Variants in SLC22A2 observed in about 807,000 individuals in gnomAD.
SLC22A2 encodes the protein organic cation transporter 2.
In SLC22A2, 46 loss-of-function variants were observed where a neutral mutation model predicts 60.5. That is an observed-to-expected ratio of 0.76 (90% CI 0.60 to 0.97). The LOEUF is 0.97. SLC22A2 is among the 50% of genes least tolerant of loss of function. The pLI, the probability that SLC22A2 is intolerant of heterozygous loss-of-function variation, is 0.00. For synonymous variants in SLC22A2, 303 were observed against 267.0 expected (o/e 1.13, Z -1.31); for missense variants, 701 against 706.6 (o/e 0.99, Z 0.09).
In SLC22A2 at chr6:160,233,809, C is replaced by A. The variant is rs145790755; in HGVS notation, c.1501+7665G>T. On this transcript the variant is annotated intron_variant, in intron 9 of 10. Transcript: ENST00000366953. ...CTGCCCCTAATTCCACTCGAACCAG[C>A]CCTGAGAAACATCACTCATCATCTC... Among the ~76,000 whole-genome samples, 7 of 151,936 alleles carry A rather than the reference C, an allele frequency of 4.6e-5. No individual in the cohort carries two copies. The East Asian group carries it at 1.4e-3, about 29-fold the overall frequency.
At chr6:160,238,964 C>T (rs1782955752) in intron 9 of SLC22A2, among the ~76,000 whole-genome samples, 1 of 151,958 alleles carries the variant, frequency 6.6e-6, no homozygotes, top group African/African-American at 2.4e-5. Flanking sequence ...GGCTGCATTC[C>T]CAGGAGGTTA....
At chr6:160,235,372 G>C (rs1387179529) in intron 9 of SLC22A2, among the ~76,000 whole-genome samples, 1 of 150,422 alleles carries the variant, frequency 6.6e-6, no homozygotes, top group African/African-American at 2.4e-5. Context: ...TGGCCACCTA[G>C]AAGTTATGAA....
intron 2 of SLC22A2, 40 bp from the exon 3 acceptor site, chr6:160,250,742 T>C (rs1486720630): frequency 6.3e-6 from 10 of 1,599,936 alleles, no homozygotes; most frequent in African/African-American, 1.3e-5. Context: ...TGAATTAATT[T>C]TGATTTGTGA....
intron 9 of SLC22A2, among the ~76,000 whole-genome samples, chr6:160,239,640 G>A (rs901383177): frequency 6.6e-5 from 10 of 152,294 alleles, no homozygotes; most frequent in Middle Eastern, 6.8e-3. Flanking sequence ...GGAGGACAGA[G>A]GGTTTGATGG....
chr6:160,221,478 C>A (rs1364083875), intron 10 of SLC22A2, among the ~76,000 whole-genome samples: 1 of 152,190 alleles, frequency 6.6e-6, no homozygotes, highest in Non-Finnish European at 1.5e-5. Flanking sequence ...CCTTCAAGAA[C>A]TTTTCCTGTG....
At chr6:160,229,415 A>G (rs1044765461) in intron 9 of SLC22A2, among the ~76,000 whole-genome samples, 2 of 151,794 alleles carry the variant, frequency 1.3e-5, no homozygotes, top group African/African-American at 4.9e-5. Flanking sequence ...TGCCTGCCTG[A>G]TTATTTACCC....
At chr6:160,245,693 CAT>C in intron 5 of SLC22A2, 148 bp from the exon 6 acceptor site, 1 of 268,304 alleles carries the variant, frequency 3.7e-6, no homozygotes, top group Non-Finnish European at 6.4e-6. Flanking sequence ...TGTCCCATTT[CAT>C]TTTTTTTTTT....
In SLC22A2 at chr6:160,241,475, G is replaced by A. The variant is rs760111251; in HGVS notation, c.1500C>T (p.Phe500=). 73 of 1,605,672 alleles carry A rather than the reference G, an allele frequency of 4.5e-5. No individual in the cohort carries two copies. The highest frequency in any genetic ancestry group is 5.5e-5 in the Non-Finnish European group (65 of 1,172,720). Residue 500 remains phenylalanine, a splice_region_variant and synonymous_variant, in exon 9 of 11, where the codon TTC becomes TTT. Coordinates refer to ENST00000366953, the MANE Select transcript of SLC22A2 (RefSeq NM_003058.4). ...AAGACATCTGTGAAGATTTCTTACC[G>A]AAAACCATCAGCGGGAGCTCAAGCC... is the stretch of plus-strand genomic sequence containing the variant. ...NIWLELPLMV[F]GVLGLVAGGL... is the part of the protein sequence containing the mutation.
chr6:160,239,269 C>G (rs879525759), intron 9 of SLC22A2, among the ~76,000 whole-genome samples: 2 of 152,192 alleles, frequency 1.3e-5, no homozygotes, highest in Non-Finnish European at 2.9e-5. Flanking sequence ...GTTCCAGGAA[C>G]TGCCCATCCC....
Position 160,247,423 on chromosome 6 carries a change from G to A in SLC22A2, c.843-125C>T, listed in dbSNP as rs199999997. 299 of 605,304 alleles carry A rather than the reference G, an allele frequency of 4.9e-4. 2 individuals are homozygous for A. The highest frequency in any genetic ancestry group is 3.2e-3 in the East Asian group (112 of 35,406). The allele number at this position is 605,304 out of a possible 1,614,324, so 37.5% of individuals were successfully genotyped here. ...TGGATCTCCAAAGAAAATAACACTC[G>A]TGTAGGGGGATATGTGGTTCTTTCC... On this transcript the variant is annotated intron_variant, in intron 4 of 10. Coordinates refer to ENST00000366953, the MANE Select transcript of SLC22A2 (RefSeq NM_003058.4).
chr6:160,219,099 C>CAGTAAA (rs1369888709), intron 10 of SLC22A2, among the ~76,000 whole-genome samples: 9 of 66,996 alleles, frequency 1.3e-4, no homozygotes, highest in Non-Finnish European at 1.8e-4. Flanking sequence ...ACAATAACAG[C>CAGTAAA]AACAGAAGCA....
Position 160,242,349 on chromosome 6 carries a change from T to G in SLC22A2, c.1333A>C (p.Met445Leu), listed in dbSNP as rs1450284484. The change falls in exon 8 of 11, where the codon ATG (methionine) becomes CTG (leucine). Residue 445 changes from methionine to leucine, a missense_variant. Coordinates refer to ENST00000366953, the MANE Select transcript of SLC22A2 (RefSeq NM_003058.4). ...ISCLGRMGIT[M>L]AYEIVCLVNA... ...ACCAGGCAGACTATCTCATAGGCCA[T>G]TGTGATCCCCATTCTTCCCAAGCAT... 6.2e-7 allele frequency: 1 copy of G among 1,611,114 alleles called. No individual in the cohort carries two copies. The highest frequency in any genetic ancestry group is 8.5e-7 in the Non-Finnish European group (1 of 1,177,252).
In SLC22A2 at chr6:160,224,712, T is replaced by C. The variant is rs1464113026; in HGVS notation, c.1594A>G (p.Met532Val). 6.2e-7 allele frequency: 1 copy of C among 1,603,490 alleles called. No individual in the cohort carries two copies. ...GAACTTTCAACTGCCTACCTTTGCA[T>C]ATTTTCGGCTTCCTCGATGGTCTCA... ...LPETIEEAEN[M>V]QRPRKNKEKM... is the part of the protein sequence containing the mutation. The change falls in exon 10 of 11, where the codon ATG (methionine) becomes GTG (valine). Residue 532 changes from methionine to valine, a missense_variant. Coordinates refer to ENST00000366953, the MANE Select transcript of SLC22A2 (RefSeq NM_003058.4).
chr6:160,225,828 G>A (rs1460807979), intron 9 of SLC22A2, among the ~76,000 whole-genome samples: 1 of 152,178 alleles, frequency 6.6e-6, no homozygotes, highest in East Asian at 1.9e-4. Flanking sequence ...GACAGTGAAA[G>A]AGATCTAACT....
rs11967308 is a variant in SLC22A2, at chr6:160,241,327, C to T, written c.1501+147G>A. 7.7e-3 allele frequency: 4,425 copies of T among 577,414 alleles called. 181 individuals carry two copies. The highest frequency in any genetic ancestry group is 0.074 in the African/African-American group (3,960 of 53,596). The allele number at this position is 577,414 out of a possible 1,614,324, so 35.8% of individuals were successfully genotyped here. A position where few individuals can be genotyped will look rare whatever the true frequency, so the allele number is the denominator to read the frequency against. On this transcript the variant is annotated intron_variant, in intron 9 of 10. Coordinates refer to ENST00000366953, the MANE Select transcript of SLC22A2 (RefSeq NM_003058.4). The stretch of plus-strand genomic sequence containing the variant: ...AATTACTAGGCACATCCAGGAAGAA[C>T]GCAAGCCACAGACACATCATTACTA...
chr6:160,242,208 G>C, intron 8 of SLC22A2, 86 bp downstream of exon 8: 1 of 817,232 alleles, frequency 1.2e-6, no homozygotes, highest in Non-Finnish European at 2.2e-6. Context: ...TTGAAGGTAA[G>C]ATATCCTTTG....
At chr6:160,253,345 A>G (rs1320521877) in intron 2 of SLC22A2, among the ~76,000 whole-genome samples, 1 of 152,244 alleles carries the variant, frequency 6.6e-6, no homozygotes, top group African/African-American at 2.4e-5. Flanking sequence ...AGAAATTTCT[A>G]GGAAAAGGGT....
intron 8 of SLC22A2, 53 bp from the exon 9 acceptor site, chr6:160,241,639 A>G: frequency 8.9e-7 from 1 of 1,120,194 alleles, no homozygotes; most frequent in East Asian, 2.4e-5. Context: ...TGCAGTAGTT[A>G]TCTCCCATCC....
rs3219198 is a variant in SLC22A2, at chr6:160,217,161, A to G, written c.*271T>C. The G allele has an allele frequency of 5.4e-3, 1,761 of 324,624 alleles. 13 individuals carry two copies. The highest frequency in any genetic ancestry group is 4.7e-3 in the Non-Finnish European group (848 of 180,182). The allele number at this position is 324,624 out of a possible 1,614,324, so 20.1% of individuals were successfully genotyped here. ...AGAAAAGAATCAAATTTAAAAAAAT[A>G]CAAAGATGGAAAAAAAACCCTCCAG... On this transcript the variant is annotated 3_prime_UTR_variant, in exon 11 of 11. Coordinates refer to ENST00000366953, the MANE Select transcript of SLC22A2 (RefSeq NM_003058.4).
Sources: gnomAD v4.1 joint callset for allele counts (sites outside exome capture counted in the v4.1 genomes callset) on GRCh38, gnomAD v4.1.1 for gene constraint, MANE v1.5 for transcripts, NCBI Gene and HGNC (gene_info 2026-07-23, HGNC 2026-07-21) for gene names.